FREM2: variants seen among roughly 807,000 people sequenced by gnomAD.
The protein encoded by FREM2 is FRAS1 related extracellular matrix 2, also known as FRAS1-related extracellular matrix protein 2.
A neutral mutation model predicts 219.9 loss-of-function variants in FREM2; 119 were observed. That is an observed-to-expected ratio of 0.54 (90% CI 0.47 to 0.63). The LOEUF (loss-of-function observed/expected upper bound fraction) is 0.63. Ranked by LOEUF, FREM2 falls within the 30% of genes least tolerant of loss-of-function variation. The probability of loss-of-function intolerance (pLI) is 0.00; values close to 1 mark genes in which losing one functional copy is unlikely to be tolerated. For missense variants in FREM2, 4,030 were observed against 3,993.6 expected (o/e 1.01, Z -0.25); for synonymous variants, 1,562 against 1,522.8 (o/e 1.03, Z -0.60).
Position 38,812,724 on chromosome 13 carries a change from A to G in FREM2, c.6019+27916A>G, listed in dbSNP as rs550562994. 2.0e-4 allele frequency among the ~76,000 whole-genome samples: 30 copies of G among 151,962 alleles called. No homozygotes were observed. The South Asian group carries it at 6.2e-3, about 32-fold the overall frequency. On this transcript the variant is annotated intron_variant, in intron 6 of 23. Transcript: ENST00000280481. ...GGTGAAACCCTGTCTCTACAATAAA[A>G]CTACAAAGATTAGCCAGGTGTGGTG...
At chr13:38,785,621 G>A (rs902281952) in intron 6 of FREM2, among the ~76,000 whole-genome samples, 2 of 152,200 alleles carry the variant, frequency 1.3e-5, no homozygotes, top group African/African-American at 4.8e-5. Context: ...CCAAACTGAG[G>A]AAGCTGAAAA....
intron 16 of FREM2, 149 bp from the exon 17 acceptor site, chr13:38,872,593 G>A: frequency 1.5e-6 from 1 of 678,640 alleles, no homozygotes; most frequent in Non-Finnish European, 2.6e-6. Context: ...TAAGTGAGGG[G>A]AAAATAGTGT....
Position 38,689,385 on chromosome 13 carries a change from C to G in FREM2, c.2041C>G (p.Pro681Ala). The G allele has an allele frequency of 6.2e-7, 1 of 1,614,118 alleles. No individual in the cohort carries two copies. Among genetic ancestry groups the G allele is most frequent in the Admixed American group, 1.7e-5 (1 of 60,026 alleles). The change falls in exon 1 of 24, where the codon CCT (proline) becomes GCT (alanine). Residue 681 changes from proline (P) to alanine (A), a missense_variant. Pro to Ala is a conservative substitution (Grantham distance 27). Coordinates refer to ENST00000280481, the MANE Select transcript of FREM2 (RefSeq NM_207361.6). ...TAGAGTCCAGGATAACCATGACCCT[C>G]CTAATCAGTCCGGGCTACAGCGGTT... ...TFRVQDNHDP[P>A]NQSGLQRFVI...
At chr13:38,760,004 C>A (rs187587755) in intron 2 of FREM2, among the ~76,000 whole-genome samples, 1 of 152,120 alleles carries the variant, frequency 6.6e-6, no homozygotes, top group Non-Finnish European at 1.5e-5. Context: ...ATCACTCTTG[C>A]GTAAGAAGTG....
rs547547567 is a variant in FREM2, at chr13:38,798,868, G to C, written c.6019+14060G>C. ...TATTTGGGTCTTCTATCTTTTGTTG[G>C]TTAGTATATCTAGAGGTTTATCAAT... On this transcript the variant is annotated intron_variant, in intron 6 of 23. Coordinates refer to ENST00000280481, the MANE Select transcript of FREM2 (RefSeq NM_207361.6). 4.8e-4 allele frequency among the ~76,000 whole-genome samples: 73 copies of C among 151,912 alleles called. 1 individual carries two copies. Among genetic ancestry groups the C allele is most frequent in the Admixed American group, 3.9e-3 (59 of 15,256 alleles).
chr13:38,853,699 G>A (rs549779969), intron 11 of FREM2, among the ~76,000 whole-genome samples: 20 of 152,150 alleles, frequency 1.3e-4, no homozygotes, highest in Non-Finnish European at 2.4e-4. Flanking sequence ...GTTATCCCCA[G>A]ATTATTCTCT....
chr13:38,871,545 C>T (rs1354495697), intron 16 of FREM2, among the ~76,000 whole-genome samples: 3 of 152,062 alleles, frequency 2.0e-5, no homozygotes, highest in Non-Finnish European at 4.4e-5. Flanking sequence ...GTTTGGAATA[C>T]GATGAAGTAA....
intron 14 of FREM2, 52 bp downstream of exon 14, chr13:38,859,642 A>G (rs1877693655): frequency 6.7e-7 from 1 of 1,484,736 alleles, no homozygotes; most frequent in East Asian, 2.3e-5. Context: ...GTGCAATATT[A>G]CAAATGTCTA....
chr13:38,801,567 G>A (rs1875009077), intron 6 of FREM2, among the ~76,000 whole-genome samples: 2 of 152,158 alleles, frequency 1.3e-5, no homozygotes, highest in Admixed American at 1.3e-4. Context: ...GCATGCAGTA[G>A]TGTAATATTC....
intron 16 of FREM2, among the ~76,000 whole-genome samples, chr13:38,869,281 G>A (rs189942202): frequency 1.6e-3 from 250 of 152,154 alleles, no homozygotes; most frequent in African/African-American, 5.2e-3. Context: ...TCCCAATTTC[G>A]ATTATTTACC....
chr13:38,849,420 C>T (rs1877287398), intron 8 of FREM2, among the ~76,000 whole-genome samples: 1 of 152,108 alleles, frequency 6.6e-6, no homozygotes, highest in South Asian at 2.1e-4. Flanking sequence ...CGTCTCCTTC[C>T]CCTAGACACT....
At chr13:38,741,013 T>G (rs1872220175) in intron 2 of FREM2, among the ~76,000 whole-genome samples, 1 of 152,204 alleles carries the variant, frequency 6.6e-6, no homozygotes, top group Admixed American at 6.6e-5. Flanking sequence ...ATAGTAATAT[T>G]AGAGTATGTG....
chr13:38,863,031 T>C (rs1285857428), intron 15 of FREM2, among the ~76,000 whole-genome samples: 1 of 152,116 alleles, frequency 6.6e-6, no homozygotes, highest in African/African-American at 2.4e-5. Context: ...TACTTTTTAA[T>C]GGTGGTAGTT....
chr13:38,699,955 A>G (rs966301452), intron 2 of FREM2, among the ~76,000 whole-genome samples: 2 of 152,092 alleles, frequency 1.3e-5, no homozygotes, highest in Admixed American at 6.5e-5. Flanking sequence ...GAAATATGAA[A>G]TGTGTGAGTA....
intron 16 of FREM2, among the ~76,000 whole-genome samples, chr13:38,870,972 A>G (rs1016406771): frequency 6.6e-6 from 1 of 152,206 alleles, no homozygotes; most frequent in Admixed American, 6.5e-5. Context: ...GTAAGGTAAA[A>G]TATTAATCTT....
intron 2 of FREM2, among the ~76,000 whole-genome samples, chr13:38,756,775 A>G (rs993690952): frequency 2.6e-5 from 4 of 151,934 alleles, no homozygotes; most frequent in African/African-American, 9.7e-5. Flanking sequence ...TCCTGACCTC[A>G]GGTGATCTGC....
At chr13:38,772,240 A>G (rs1873692744) in intron 4 of FREM2, among the ~76,000 whole-genome samples, 1 of 152,198 alleles carries the variant, frequency 6.6e-6, no homozygotes, top group Non-Finnish European at 1.5e-5. Flanking sequence ...GTACAGCACT[A>G]TATATTGGGA....
intron 2 of FREM2, among the ~76,000 whole-genome samples, chr13:38,723,517 CAT>C (rs199925942): frequency 9.2e-5 from 14 of 152,132 alleles, no homozygotes; most frequent in East Asian, 1.9e-4. Flanking sequence ...CTGGTTGAGA[CAT>C]GTGTGGAAAA....
intron 2 of FREM2, among the ~76,000 whole-genome samples, chr13:38,709,693 C>T (rs1187581400): frequency 6.6e-6 from 1 of 151,988 alleles, no homozygotes; most frequent in South Asian, 2.1e-4. Flanking sequence ...TTTATTTTGA[C>T]GTCATCTTTT....
Sources: gnomAD v4.1 joint callset for allele counts (sites outside exome capture counted in the v4.1 genomes callset) on GRCh38, gnomAD v4.1.1 for gene constraint, MANE v1.5 for transcripts, NCBI Gene and HGNC (gene_info 2026-07-23, HGNC 2026-07-21) for gene names.